The following BCL2L13 variants were observed in gnomAD, a reference collection of about 807,000 sequenced individuals.
BCL2L13 encodes bcl-2-like protein 13.
Under a neutral mutation model 25.8 loss-of-function variants are expected in BCL2L13, and 13 were observed. The ratio of observed to expected loss-of-function variants is 0.50; its 90% CI spans 0.33 to 0.80. The LOEUF (loss-of-function observed/expected upper bound fraction) is 0.80, where lower values mean the gene tolerates loss of function less well. BCL2L13 is among the 30% of genes least tolerant of loss of function. The probability of loss-of-function intolerance (pLI) is 0.02; values close to 1 mark genes in which losing one functional copy is unlikely to be tolerated. For synonymous variants in BCL2L13, 244 were observed against 230.3 expected (o/e 1.06, Z -0.54); for missense variants, 504 against 574.9 (o/e 0.88, Z 1.26).
intron 1 of BCL2L13, among the ~76,000 whole-genome samples, chr22:17,642,179 G>A (rs2146396294): frequency 7.1e-6 from 1 of 141,024 alleles, no homozygotes; most frequent in African/African-American, 2.7e-5. Flanking sequence ...CGCCAGGCTG[G>A]AGTGCAGTGG....
At chr22:17,701,590 C>T (rs1039962508) in intron 5 of BCL2L13, among the ~76,000 whole-genome samples, 1 of 152,128 alleles carries the variant, frequency 6.6e-6, no homozygotes, top group African/African-American at 2.4e-5. Context: ...ATTTATTTAA[C>T]TAGTCCCTGT....
At position 17,646,293 on chromosome 22, in the gene BCL2L13, C is replaced by A. The variant is rs921499338; in HGVS notation, c.-51+7407C>A. ...GAGTTTCTCGCTCTTGTTGCCCAGG[C>A]TGGAGTGCAATGGCACGATCTCAGC... is the stretch of plus-strand genomic sequence containing the variant. On this transcript the variant is annotated intron_variant, in intron 1 of 6. Transcript: ENST00000317582. Among the ~76,000 whole-genome samples, 11 of 151,576 alleles carry A rather than the reference C, an allele frequency of 7.3e-5. 2 individuals carry two copies. The highest frequency in any genetic ancestry group is 2.7e-4 in the African/African-American group (11 of 40,844).
At chr22:17,712,478 C>T (rs1370368586) in intron 6 of BCL2L13, among the ~76,000 whole-genome samples, 1 of 152,150 alleles carries the variant, frequency 6.6e-6, no homozygotes, top group Non-Finnish European at 1.5e-5. Flanking sequence ...CTTTGTGCTA[C>T]CTTATACTAC....
chr22:17,730,048 A>G lies in BCL2L13; in HGVS notation c.*2514A>G, dbSNP rs1052041587. 3 of 152,352 alleles carry G rather than the reference A, an allele frequency of 2.0e-5. No individual in the cohort carries two copies. Among genetic ancestry groups the G allele is most frequent in the African/African-American group, 7.2e-5 (3 of 41,590 alleles). The allele number at this position is 152,352 out of a possible 1,614,324, so 9.4% of individuals were successfully genotyped here. On this transcript the variant is annotated 3_prime_UTR_variant, in exon 7 of 7. Transcript: ENST00000317582. The stretch of plus-strand genomic sequence containing the variant: ...CCTCCAACTTATACCCTCTAAGTCT[A>G]AGGTGAAGGAAAGATTCAGAATAAA...
At chr22:17,706,579 C>A in intron 6 of BCL2L13, 1 of 845,816 alleles carries the variant, frequency 1.2e-6, no homozygotes, top group Non-Finnish European at 1.5e-6. Context: ...GCCAGGTTTT[C>A]ACATGCGTCT....
intron 3 of BCL2L13, among the ~76,000 whole-genome samples, chr22:17,687,607 C>T (rs1377495994): frequency 6.6e-6 from 1 of 152,106 alleles, no homozygotes; most frequent in East Asian, 1.9e-4. Flanking sequence ...AGTTCTGCCT[C>T]CTGGGTTCAC....
At chr22:17,710,088 A>AG (rs1361058033) in intron 6 of BCL2L13, among the ~76,000 whole-genome samples, 1 of 145,962 alleles carries the variant, frequency 6.9e-6, no homozygotes, top group Non-Finnish European at 1.5e-5. Flanking sequence ...AAAAAAAAAA[A>AG]AAAAGAGGCT....
At chr22:17,723,078 T>G (rs538532526) in intron 6 of BCL2L13, among the ~76,000 whole-genome samples, 29 of 152,326 alleles carry the variant, frequency 1.9e-4, no homozygotes, top group Middle Eastern at 3.4e-3. Flanking sequence ...TGTGTAAGCT[T>G]GAGACCTGAT....
intron 4 of BCL2L13, among the ~76,000 whole-genome samples, chr22:17,694,480 T>TCG (rs1253624055): frequency 1.3e-5 from 2 of 152,024 alleles, no homozygotes; most frequent in Admixed American, 6.6e-5. Context: ...TTTGAGACCA[T>TCG]CCTGGGCAAC....
At chr22:17,710,827 A>G (rs1054982996) in intron 6 of BCL2L13, among the ~76,000 whole-genome samples, 8 of 152,102 alleles carry the variant, frequency 5.3e-5, no homozygotes, top group African/African-American at 1.7e-4. Context: ...CAGTGAGTCA[A>G]GATCGAGCCA....
chr22:17,690,137 C>T (rs934742598), intron 4 of BCL2L13, among the ~76,000 whole-genome samples: 1 of 151,388 alleles, frequency 6.6e-6, no homozygotes, highest in African/African-American at 2.4e-5. Flanking sequence ...ACCAGCCTGG[C>T]CAACATGGTG....
chr22:17,679,041 CAGA>C (rs2059655809), intron 2 of BCL2L13, among the ~76,000 whole-genome samples: 1 of 152,170 alleles, frequency 6.6e-6, no homozygotes, highest in Non-Finnish European at 1.5e-5. Context: ...TCTCCTCTAA[CAGA>C]AGGTTAGTTG....
chr22:17,713,163 A>G (rs1381993470), intron 6 of BCL2L13, among the ~76,000 whole-genome samples: 2 of 152,190 alleles, frequency 1.3e-5, no homozygotes, highest in African/African-American at 2.4e-5. Flanking sequence ...GAGGACCTCC[A>G]TGTTACATAA....
upstream of BCL2L13, chr22:17,638,465 A>G (rs1312812193): frequency 2.5e-6 from 1 of 395,582 alleles, no homozygotes; most frequent in Non-Finnish European, 4.4e-6. Flanking sequence ...TAGCCTGTGC[A>G]TGCAGCAAGG....
At chr22:17,656,547 C>T (rs908354201) in intron 2 of BCL2L13, among the ~76,000 whole-genome samples, 4 of 151,212 alleles carry the variant, frequency 2.6e-5, no homozygotes, top group African/African-American at 7.3e-5. Flanking sequence ...GAGGTTTTGC[C>T]GTGTTGGCCA....
chr22:17,653,112 G>T (rs1391564500), intron 1 of BCL2L13, among the ~76,000 whole-genome samples: 1 of 152,058 alleles, frequency 6.6e-6, no homozygotes, highest in Non-Finnish European at 1.5e-5. Flanking sequence ...TTGAAGTTCA[G>T]TTTCTACTGA....
rs1568981844 is a variant in BCL2L13, at chr22:17,693,373, T to TG, written c.387-2768_387-2767insG. 3.4e-4 allele frequency among the ~76,000 whole-genome samples: 7 copies of TG among 20,528 alleles called. No individual in the cohort carries two copies. The East Asian group carries it at 0.046, about 136-fold the overall frequency. The allele number at this position is 20,528 out of a possible 152,430, so 13.5% of individuals were successfully genotyped here. A position where few individuals can be genotyped will look rare whatever the true frequency, so the allele number is the denominator to read the frequency against. ...TATTTATTTATTTATTTAGTGTTTG[T>TG]TTTTTTTTTTTTTTTTTTTTTTTGG... On this transcript the variant is annotated intron_variant, in intron 4 of 6. Coordinates refer to ENST00000317582, the MANE Select transcript of BCL2L13 (RefSeq NM_015367.4).
At chr22:17,725,403 T>G (rs939720135) in intron 6 of BCL2L13, among the ~76,000 whole-genome samples, 5 of 152,238 alleles carry the variant, frequency 3.3e-5, no homozygotes, top group African/African-American at 9.6e-5. Flanking sequence ...TTGTGTCTTC[T>G]GTGTACCCTT....
intron 6 of BCL2L13, chr22:17,706,616 C>T: frequency 8.3e-6 from 10 of 1,198,668 alleles, no homozygotes; most frequent in Admixed American, 6.5e-5. Context: ...TTTTCCCTCT[C>T]CTTAAGTCTG....
Sources: allele counts gnomAD v4.1 joint callset (sites outside exome capture counted in the v4.1 genomes callset), GRCh38; gene constraint gnomAD v4.1.1; transcripts MANE v1.5; gene names NCBI Gene and HGNC (gene_info 2026-07-23, HGNC 2026-07-21).